Variants in CCDC7 observed in about 807,000 individuals in gnomAD.
The protein encoded by CCDC7 is coiled-coil domain containing 7, also known as coiled-coil domain-containing protein 7.
In CCDC7, 183 loss-of-function variants were observed where a neutral mutation model predicts 196.9. That is an observed-to-expected ratio of 0.93 (90% CI 0.82 to 1.05). The LOEUF (loss-of-function observed/expected upper bound fraction) is 1.05. Ranked by LOEUF, CCDC7 falls within the 50% of genes least tolerant of loss-of-function variation. The probability of loss-of-function intolerance (pLI) is 0.00; values close to 1 mark genes in which losing one functional copy is unlikely to be tolerated. For missense variants in CCDC7, 1,540 were observed against 1,482.2 expected (o/e 1.04, Z -0.64); for synonymous variants, 525 against 484.6 (o/e 1.08, Z -1.10).
At chr10:32,833,696 C>G (rs972847663) in intron 32 of CCDC7, among the ~76,000 whole-genome samples, 1 of 152,034 alleles carries the variant, frequency 6.6e-6, no homozygotes, top group Non-Finnish European at 1.5e-5. Context: ...ATATTTTAAT[C>G]AAATTAATAA....
chr10:32,721,452 G>T (rs1404915874), intron 25 of CCDC7, among the ~76,000 whole-genome samples: 1 of 152,134 alleles, frequency 6.6e-6, no homozygotes, highest in East Asian at 1.9e-4. Flanking sequence ...TAGCAGCATG[G>T]CCCATTGGAA....
intron 28 of CCDC7, among the ~76,000 whole-genome samples, chr10:32,741,677 AT>A (rs1168767725): frequency 1.3e-5 from 2 of 152,050 alleles, no homozygotes; most frequent in African/African-American, 2.4e-5. Flanking sequence ...CATGAAAAAA[AT>A]GTGTTAGTGA....
chr10:32,633,961 A>AATATT (rs2065250144), intron 18 of CCDC7, among the ~76,000 whole-genome samples: 1 of 151,116 alleles, frequency 6.6e-6, no homozygotes, highest in Non-Finnish European at 1.5e-5. Context: ...ATTTTTCTTC[A>AATATT]TCTCTCCTTC....
At chr10:32,595,727 A>T (rs911397980) in intron 18 of CCDC7, among the ~76,000 whole-genome samples, 4 of 152,086 alleles carry the variant, frequency 2.6e-5, no homozygotes, top group Admixed American at 2.6e-4. Context: ...TGTCCCAGAG[A>T]TTCTGGTATG....
At chr10:32,758,489 G>A (rs2076864990) in intron 28 of CCDC7, among the ~76,000 whole-genome samples, 1 of 152,050 alleles carries the variant, frequency 6.6e-6, no homozygotes, top group African/African-American at 2.4e-5. Flanking sequence ...TAGAACCTAA[G>A]ACAAAAACCA....
At chr10:32,760,379 A>C (rs1054297525) in intron 28 of CCDC7, among the ~76,000 whole-genome samples, 12 of 152,040 alleles carry the variant, frequency 7.9e-5, no homozygotes, top group Non-Finnish European at 1.6e-4. Context: ...GATTAAGAAA[A>C]TGTGGCACAT....
At chr10:32,665,498 T>C (rs2072468870) in intron 21 of CCDC7, among the ~76,000 whole-genome samples, 1 of 152,090 alleles carries the variant, frequency 6.6e-6, no homozygotes, top group African/African-American at 2.4e-5. Context: ...TAGTGTGAGA[T>C]GAAGGTATAA....
At chr10:32,765,769 G>T (rs1425964673) in intron 28 of CCDC7, among the ~76,000 whole-genome samples, 2 of 151,942 alleles carry the variant, frequency 1.3e-5, no homozygotes, top group Non-Finnish European at 2.9e-5. Context: ...TTAAATAGAT[G>T]GTGATTCTAA....
chr10:32,473,989 T>C, exon 8 of CCDC7: 1 of 1,611,344 alleles, frequency 6.2e-7, no homozygotes, highest in South Asian at 1.1e-5. Flanking sequence ...CCCACTCAAC[T>C]GATGAATTTA....
chr10:32,475,528 G>A (rs1322317686), intron 8 of CCDC7, among the ~76,000 whole-genome samples: 1 of 152,196 alleles, frequency 6.6e-6, no homozygotes, highest in East Asian at 1.9e-4. Flanking sequence ...ATAAAATATA[G>A]TTGAGATTTT....
At chr10:32,865,606 C>T (rs1054550167) in intron 41 of CCDC7, among the ~76,000 whole-genome samples, 6 of 151,732 alleles carry the variant, frequency 4.0e-5, no homozygotes, top group African/African-American at 1.5e-4. Flanking sequence ...TATGAGGAAA[C>T]GTTCTTAGAG....
At position 32,525,168 on chromosome 10, in the gene CCDC7, A is replaced by G. The variant is rs2048465264; in HGVS notation, c.993+6663A>G. ...TAAATGACGAGTTAATGGGTGCAGCAAATCAACATGGCACATGTGTACATA... is the reference window on the plus strand; with the variant it reads ...TAAATGACGAGTTAATGGGTGCAGCGAATCAACATGGCACATGTGTACATA... On this transcript the variant is annotated intron_variant, in intron 11 of 41. Transcript: ENST00000639629. 2.0e-5 allele frequency among the ~76,000 whole-genome samples: 3 copies of G among 151,976 alleles called. No individual in the cohort carries two copies. In the South Asian group the frequency reaches 6.2e-4, roughly 32 times the overall value.
chr10:32,598,435 CTGATCCCTTGAGCTTCCAG>C (rs1395983429), intron 18 of CCDC7, among the ~76,000 whole-genome samples: 1 of 152,108 alleles, frequency 6.6e-6, no homozygotes, highest in Non-Finnish European at 1.5e-5. Context: ...AGGGAATTCC[CTGATCCCTTGAGCTTCCAG>C]GGTGAGGCGA....
chr10:32,804,881 C>T (rs2085499587), intron 29 of CCDC7, 134 bp from the exon 31 acceptor site: 4 of 609,582 alleles, frequency 6.6e-6, no homozygotes, highest in Non-Finnish European at 1.2e-5. Context: ...GCAATTCAGA[C>T]ATTTTGCTAT....
Position 32,567,612 on chromosome 10 carries a change from A to G in CCDC7, c.1198-58A>G, listed in dbSNP as rs1010840236. 2.6e-6 allele frequency: 4 copies of G among 1,511,286 alleles called. No homozygotes were observed. In the African/African-American group the frequency reaches 5.6e-5, roughly 21 times the overall value. The allele number at this position is 1,511,286 out of a possible 1,614,324, so 93.6% of individuals were successfully genotyped here. A position where few individuals can be genotyped will look rare whatever the true frequency, so the allele number is the denominator to read the frequency against. Reference sequence around the variant, plus strand: ...ATATATGTAGATTCCTGAATGTGGTAGTATTGGCAGGAAAATATCAGAAAA... The same window carrying G: ...ATATATGTAGATTCCTGAATGTGGTGGTATTGGCAGGAAAATATCAGAAAA... On this transcript the variant is annotated intron_variant, in intron 14 of 41. Coordinates refer to ENST00000639629, the Ensembl canonical transcript of CCDC7.
At chr10:32,466,139 G>A (rs1461427817) in intron 5 of CCDC7, among the ~76,000 whole-genome samples, 1 of 151,366 alleles carries the variant, frequency 6.6e-6, no homozygotes, top group Non-Finnish European at 1.5e-5. Context: ...GGAATTTCAA[G>A]TTTTTCAATG....
At chr10:32,695,111 G>C (rs1219548164) in intron 24 of CCDC7, 119 bp downstream of exon 25, 2 of 447,258 alleles carry the variant, frequency 4.5e-6, no homozygotes, top group Non-Finnish European at 7.9e-6. Context: ...ATACTTTACA[G>C]TGTGAATACC....
intron 20 of CCDC7, among the ~76,000 whole-genome samples, chr10:32,651,773 T>C (rs955817823): frequency 3.9e-5 from 6 of 152,158 alleles, no homozygotes; most frequent in Admixed American, 6.5e-5. Flanking sequence ...CTGGCATGTT[T>C]CTGGTTGGGG....
intron 18 of CCDC7, among the ~76,000 whole-genome samples, chr10:32,632,139 T>TG (rs59349566): frequency 2.9e-4 from 36 of 126,138 alleles, no homozygotes; most frequent in East Asian, 1.4e-3. Context: ...TTCTTTTTTT[T>TG]GGGGGGGGGG....
Sources: allele counts gnomAD v4.1 joint callset (sites outside exome capture counted in the v4.1 genomes callset), GRCh38; gene constraint gnomAD v4.1.1; transcripts MANE v1.5; gene names NCBI Gene and HGNC (gene_info 2026-07-23, HGNC 2026-07-21).